Variants in PDE4D observed in about 807,000 individuals in gnomAD.
PDE4D encodes phosphodiesterase 4D.
PDE4D carries 24 observed loss-of-function variants against 87.4 expected under a neutral mutation model. That is an observed-to-expected ratio of 0.27 (90% CI 0.20 to 0.39). The LOEUF is 0.39. PDE4D is among the 10% of genes least tolerant of loss of function. PDE4D has a pLI of 1.00. For missense variants in PDE4D, 714 were observed against 1,041.0 expected (o/e 0.69, Z 4.32); for synonymous variants, 384 against 383.2 (o/e 1.00, Z -0.02).
chr5:59,562,762 A>T (rs1162828883), intron 1 of PDE4D, among the ~76,000 whole-genome samples: 2 of 152,210 alleles, frequency 1.3e-5, no homozygotes, highest in Non-Finnish European at 2.9e-5. Context: ...CCTTAACAGG[A>T]AACTGATAAC....
chr5:60,305,656 A>G (rs1362708485), intron 1 of PDE4D, among the ~76,000 whole-genome samples: 2 of 151,860 alleles, frequency 1.3e-5, no homozygotes, highest in Non-Finnish European at 2.9e-5. Context: ...ACTACTGAGT[A>G]AACAGAAAAA....
intron 1 of PDE4D, among the ~76,000 whole-genome samples, chr5:60,251,114 A>G (rs1452387911): frequency 1.3e-5 from 2 of 152,046 alleles, no homozygotes; most frequent in African/African-American, 4.8e-5. Context: ...ATATTTTTGT[A>G]CAGCTATATG....
intron 1 of PDE4D, among the ~76,000 whole-genome samples, chr5:59,602,737 T>C (rs888017410): frequency 6.6e-6 from 1 of 151,984 alleles, no homozygotes; most frequent in Non-Finnish European, 1.5e-5. Flanking sequence ...CAACTCAACC[T>C]TGAGCAAAAA....
intron 2 of PDE4D, among the ~76,000 whole-genome samples, chr5:60,050,574 CA>C (rs1562027290): frequency 6.6e-6 from 1 of 152,166 alleles, no homozygotes; most frequent in Non-Finnish European, 1.5e-5. Context: ...ACAGCCACTG[CA>C]AAAACATACC....
At chr5:59,469,588 G>C (rs1404601740) in intron 1 of PDE4D, among the ~76,000 whole-genome samples, 2 of 152,118 alleles carry the variant, frequency 1.3e-5, no homozygotes, top group African/African-American at 4.8e-5. Context: ...CTCTGGAATA[G>C]GTGGGAGAAG....
At chr5:60,062,434 T>C (rs1582452875) in intron 2 of PDE4D, among the ~76,000 whole-genome samples, 1 of 152,238 alleles carries the variant, frequency 6.6e-6, no homozygotes, top group Middle Eastern at 3.4e-3. Context: ...AGAGAGGCTG[T>C]GGAGAAAGAG....
chr5:59,408,138 C>T (rs539050736), intron 1 of PDE4D, among the ~76,000 whole-genome samples: 19 of 152,358 alleles, frequency 1.2e-4, no homozygotes, highest in Admixed American at 3.3e-4. Context: ...CCTCCCACCA[C>T]AGTCCCAGTG....
chr5:60,097,875 C>G (rs1009012215), intron 2 of PDE4D, among the ~76,000 whole-genome samples: 1 of 151,972 alleles, frequency 6.6e-6, no homozygotes, highest in African/African-American at 2.4e-5. Context: ...TAGATATTTA[C>G]CTGCTCCTGT....
At chr5:59,736,298 A>G (rs1377205994) in intron 1 of PDE4D, among the ~76,000 whole-genome samples, 1 of 152,130 alleles carries the variant, frequency 6.6e-6, no homozygotes, top group African/African-American at 2.4e-5. Context: ...AAGACAAAAC[A>G]TGTTAAGAAA....
chr5:59,359,996 T>C (rs1001291312), intron 1 of PDE4D, among the ~76,000 whole-genome samples: 4 of 152,198 alleles, frequency 2.6e-5, no homozygotes, highest in African/African-American at 7.2e-5. Context: ...TTAGCTCTTA[T>C]GTTCTGCAGA....
chr5:60,156,972 C>A (rs890642293), intron 2 of PDE4D, among the ~76,000 whole-genome samples: 2 of 152,122 alleles, frequency 1.3e-5, no homozygotes, highest in East Asian at 3.9e-4. Flanking sequence ...GAAGCAAAGA[C>A]TTTTGTGCAG....
chr5:60,420,168 A>G (rs143411760), intron 1 of PDE4D, among the ~76,000 whole-genome samples: 1 of 152,334 alleles, frequency 6.6e-6, no homozygotes, highest in East Asian at 1.9e-4. Context: ...TTCAGGTCCT[A>G]TGGGTTTGAG....
At chr5:60,079,740 T>C (rs1773723751) in intron 2 of PDE4D, among the ~76,000 whole-genome samples, 1 of 152,250 alleles carries the variant, frequency 6.6e-6, no homozygotes. Flanking sequence ...TCTATTTGTC[T>C]GTTTCAGTAC....
Position 59,629,114 on chromosome 5 carries a change from C to T in PDE4D, c.455+264054G>A, listed in dbSNP as rs141834474. 3.9e-4 allele frequency among the ~76,000 whole-genome samples: 59 copies of T among 152,206 alleles called. No homozygotes were observed. The East Asian group carries it at 6.6e-3, about 17-fold the overall frequency. On this transcript the variant is annotated intron_variant, in intron 1 of 14. Coordinates refer to ENST00000340635, the MANE Select transcript of PDE4D (RefSeq NM_001104631.2). ...CACTTGGTCCCTCCCACTACACGTG[C>T]GGATTATGGGAACTACAATTCAGGA...
intron 1 of PDE4D, among the ~76,000 whole-genome samples, chr5:59,890,900 A>G (rs574106127): frequency 3.9e-4 from 59 of 152,378 alleles, no homozygotes; most frequent in African/African-American, 1.4e-3. Flanking sequence ...TTAAAATAAA[A>G]AAGTATTGTT....
chr5:59,125,811 T>A (rs1248029295), intron 5 of PDE4D, among the ~76,000 whole-genome samples: 1 of 152,062 alleles, frequency 6.6e-6, no homozygotes, highest in African/African-American at 2.4e-5. Flanking sequence ...TCTAGGCACA[T>A]AGCAGAAATA....
At chr5:60,314,965 A>T (rs1755416668) in intron 1 of PDE4D, among the ~76,000 whole-genome samples, 1 of 152,192 alleles carries the variant, frequency 6.6e-6, no homozygotes, top group African/African-American at 2.4e-5. Flanking sequence ...ATGTGTCTTT[A>T]TAGCAGCATG....
In PDE4D at chr5:60,320,504, G is replaced by A. The variant is rs769192729; in HGVS notation, c.-89-134817C>T. On this transcript the variant is annotated intron_variant, in intron 1 of 16. Coordinates refer to the PDE4D transcript ENST00000502484. ...ACCCACTGTCCTGCACCCACTTTCCGACACTCCCCAGTGAGATGAACCTGG... is the reference window on the plus strand; with the variant it reads ...ACCCACTGTCCTGCACCCACTTTCCAACACTCCCCAGTGAGATGAACCTGG... Among the ~76,000 whole-genome samples the A allele has an allele frequency of 3.1e-4, 47 of 152,102 alleles. 1 individual carries two copies. Among genetic ancestry groups the A allele is most frequent in the South Asian group, 6.2e-4 (3 of 4,832 alleles).
intron 1 of PDE4D, among the ~76,000 whole-genome samples, chr5:59,225,571 G>A (rs1308447945): frequency 6.6e-6 from 1 of 151,986 alleles, no homozygotes; most frequent in African/African-American, 2.4e-5. Flanking sequence ...GGACATTGTG[G>A]ACATTTTAAC....
Sources: allele counts gnomAD v4.1 joint callset (sites outside exome capture counted in the v4.1 genomes callset), GRCh38; gene constraint gnomAD v4.1.1; transcripts MANE v1.5; gene names NCBI Gene and HGNC (gene_info 2026-07-23, HGNC 2026-07-21).